N4BP2: variants seen among roughly 807,000 people sequenced by gnomAD.
The protein encoded by N4BP2 is NEDD4 binding protein 2.
Under a neutral mutation model 152.8 loss-of-function variants are expected in N4BP2, and 91 were observed. The observed-to-expected ratio is 0.60, with a 90% CI of 0.50 to 0.71. The LOEUF (loss-of-function observed/expected upper bound fraction) is 0.71. Ranked by LOEUF, N4BP2 falls within the 30% of genes least tolerant of loss-of-function variation. The probability of loss-of-function intolerance (pLI) is 0.00; values close to 1 mark genes in which losing one functional copy is unlikely to be tolerated. For missense variants in N4BP2, 1,923 were observed against 2,059.1 expected (o/e 0.93, Z 1.28); for synonymous variants, 646 against 705.3 (o/e 0.92, Z 1.33).
intron 1 of N4BP2, among the ~76,000 whole-genome samples, chr4:40,064,069 A>G (rs1445608737): frequency 6.6e-6 from 1 of 151,922 alleles, no homozygotes; most frequent in African/African-American, 2.4e-5. Flanking sequence ...AGGTGCTGGG[A>G]CCACATGTGA....
intron 2 of N4BP2, among the ~76,000 whole-genome samples, chr4:40,095,145 G>A (rs369674933): frequency 2.6e-5 from 4 of 151,600 alleles, no homozygotes; most frequent in Non-Finnish European, 4.4e-5. Flanking sequence ...GTGTAATGGC[G>A]CTATCTTGGC....
chr4:40,091,257 T>C (rs2109939249), intron 2 of N4BP2, among the ~76,000 whole-genome samples: 1 of 152,148 alleles, frequency 6.6e-6, no homozygotes, highest in African/African-American at 2.4e-5. Flanking sequence ...TTTTATTTTC[T>C]TTTTTTCTCT....
chr4:40,057,573 C>T (rs900180705), intron 1 of N4BP2, among the ~76,000 whole-genome samples: 1 of 152,174 alleles, frequency 6.6e-6, no homozygotes, highest in African/African-American at 2.4e-5. Context: ...AGACTTTCCC[C>T]TCCCCGGCAT....
intron 15 of N4BP2, 24 bp downstream of exon 15, chr4:40,142,885 A>G (rs773614160): frequency 5.7e-5 from 91 of 1,602,342 alleles, no homozygotes; most frequent in Non-Finnish European, 7.5e-5. Context: ...CTGATTATAT[A>G]TTTTTTGTCA....
At chr4:40,159,461 C>T (rs557954181), downstream of N4BP2, among the ~76,000 whole-genome samples, 3 of 152,244 alleles carry the variant, frequency 2.0e-5, no homozygotes, top group Admixed American at 6.5e-5. Context: ...TCTGCCATAC[C>T]CAAGATAATG....
At chr4:40,163,455 C>T in the N4BP2 span, among the ~76,000 whole-genome samples, 1 of 152,186 alleles carries the variant, frequency 6.6e-6, no homozygotes, top group Non-Finnish European at 1.5e-5. Context: ...ATGCCATTTC[C>T]CCTTGCCAGT....
In N4BP2 at chr4:40,117,935, T is replaced by G; in HGVS notation, c.1731T>G (p.Val577=). 1 of 1,613,046 alleles carries G rather than the reference T, an allele frequency of 6.2e-7. No individual in the cohort carries two copies. Among genetic ancestry groups the G allele is most frequent in the African/African-American group, 1.3e-5 (1 of 75,002 alleles). The change falls in exon 8 of 18, where the codon GTT becomes GTG. Residue 577 remains valine, a synonymous_variant. Transcript: ENST00000261435. ...TRMLEHYQRF[V]SVPIIMSSSV... is the part of the protein sequence containing the mutation. Reference sequence around the variant, plus strand: ...TGTTGGAACATTATCAACGTTTTGTTTCAGTGCCAATAATTATGAGTTCTT... The same window carrying G: ...TGTTGGAACATTATCAACGTTTTGTGTCAGTGCCAATAATTATGAGTTCTT...
At chr4:40,068,956 C>A (rs1711849301) in intron 1 of N4BP2, among the ~76,000 whole-genome samples, 1 of 148,184 alleles carries the variant, frequency 6.7e-6, no homozygotes, top group African/African-American at 2.5e-5. Context: ...CCTGTCTCTA[C>A]TAAAAATACA....
At chr4:40,117,638 A>G (rs918873713) in intron 7 of N4BP2, among the ~76,000 whole-genome samples, 10 of 152,222 alleles carry the variant, frequency 6.6e-5, no homozygotes, top group Admixed American at 6.5e-5. Flanking sequence ...AACATCTAGA[A>G]ACTTCAAATA....
intron 2 of N4BP2, among the ~76,000 whole-genome samples, chr4:40,092,582 A>G (rs905333882): frequency 1.1e-4 from 16 of 147,098 alleles, no homozygotes; most frequent in Non-Finnish European, 1.8e-4. Flanking sequence ...CCAGCAATTT[A>G]TTTCATTGAA....
chr4:40,091,759 C>T (rs186047109), intron 2 of N4BP2, among the ~76,000 whole-genome samples: 194 of 149,396 alleles, frequency 1.3e-3, no homozygotes, highest in African/African-American at 4.7e-3. Context: ...CAGGTACGTA[C>T]CACTATGCTT....
intron 5 of N4BP2, among the ~76,000 whole-genome samples, chr4:40,109,437 G>A (rs1716648713): frequency 1.3e-5 from 2 of 152,136 alleles, no homozygotes; most frequent in Admixed American, 1.3e-4. Context: ...GTTAACATTG[G>A]CTGGGCGCGG....
chr4:40,164,998 TTGTTC>T, the N4BP2 span, among the ~76,000 whole-genome samples: 1 of 152,206 alleles, frequency 6.6e-6, no homozygotes, highest in Non-Finnish European at 1.5e-5. Context: ...TTTCTTTTCA[TTGTTC>T]TGTCCTTTCT....
the N4BP2 span, among the ~76,000 whole-genome samples, chr4:40,170,019 GA>G: frequency 2.9e-5 from 4 of 138,282 alleles, no homozygotes; most frequent in Admixed American, 2.8e-4. Context: ...AGGAAATTAA[GA>G]AAAGACTCAT....
At chr4:40,105,844 C>T (rs1203522188) in intron 4 of N4BP2, among the ~76,000 whole-genome samples, 1 of 152,102 alleles carries the variant, frequency 6.6e-6, no homozygotes, top group Non-Finnish European at 1.5e-5. Flanking sequence ...AGCTACCATA[C>T]CCAGCCTAGT....
the N4BP2 span, among the ~76,000 whole-genome samples, chr4:40,170,685 T>C: frequency 6.6e-6 from 1 of 152,338 alleles, no homozygotes; most frequent in African/African-American, 2.4e-5. Flanking sequence ...TCATCCATTT[T>C]TGTGTTCTAA....
intron 14 of N4BP2, 95 bp downstream of exon 14, chr4:40,137,177 C>T (rs1409772650): frequency 5.9e-6 from 6 of 1,025,400 alleles, no homozygotes; most frequent in Non-Finnish European, 8.1e-6. Context: ...GATTATTTCT[C>T]ACCATTTTGA....
chr4:40,057,607 C>T (rs1263760950), intron 1 of N4BP2, among the ~76,000 whole-genome samples: 1 of 152,114 alleles, frequency 6.6e-6, no homozygotes, highest in African/African-American at 2.4e-5. Flanking sequence ...GCCCTCGTCC[C>T]GCCTCCCCTG....
intron 14 of N4BP2, among the ~76,000 whole-genome samples, chr4:40,141,651 C>G (rs1287237642): frequency 1.3e-5 from 2 of 151,972 alleles, no homozygotes; most frequent in African/African-American, 4.8e-5. Context: ...GATGGGCGGC[C>G]AGGCAGAGAC....
Sources: allele counts gnomAD v4.1 joint callset (sites outside exome capture counted in the v4.1 genomes callset), GRCh38; gene constraint gnomAD v4.1.1; transcripts MANE v1.5; gene names NCBI Gene and HGNC (gene_info 2026-07-23, HGNC 2026-07-21).